The following PBX3 variants were observed in gnomAD, a reference collection of about 807,000 sequenced individuals.
PBX3 encodes pre-B-cell leukemia transcription factor 3.
Under a neutral mutation model 48.5 loss-of-function variants are expected in PBX3, and 14 were observed. The ratio of observed to expected loss-of-function variants is 0.29; its 90% confidence interval spans 0.19 to 0.45. The LOEUF (loss-of-function observed/expected upper bound fraction) is 0.45, where lower values mean the gene tolerates loss of function less well. PBX3 is among the 20% of genes least tolerant of loss of function. The pLI is 1.00. For missense variants in PBX3, 386 were observed against 546.7 expected, an observed-to-expected ratio of 0.71 and a Z score of 2.93; for synonymous variants, 210 against 200.3, an observed-to-expected ratio of 1.05 and a Z score of -0.41.
chr9:125,832,817 G>A (rs899308889), intron 2 of PBX3, among the ~76,000 whole-genome samples: 1 of 152,064 alleles, frequency 6.6e-6, no homozygotes, highest in African/African-American at 2.4e-5. Context: ...GCTTCATATA[G>A]CTGCTGATCA....
Position 125,813,171 on chromosome 9 carries a change from T to C in PBX3, c.274+64548T>C, listed in dbSNP as rs1026931193. On this transcript the variant is annotated intron_variant, in intron 2 of 8. Coordinates refer to ENST00000373489, the MANE Select transcript of PBX3 (RefSeq NM_006195.6). ...TAATAACACTTAGCTTAAAACACAT[T>C]GTACAGCTTTACAGAAATATTTTTT... Among the ~76,000 whole-genome samples, 35 of 151,902 alleles carry C rather than the reference T, an allele frequency of 2.3e-4. 1 individual carries two copies. Among genetic ancestry groups the C allele is most frequent in the African/African-American group, 8.2e-4 (34 of 41,258 alleles).
intron 2 of PBX3, among the ~76,000 whole-genome samples, chr9:125,867,055 ATCT>A (rs1390054948): frequency 6.6e-6 from 1 of 152,108 alleles, no homozygotes; most frequent in African/African-American, 2.4e-5. Flanking sequence ...GTTAGTAGGG[ATCT>A]TCTTATCATA....
chr9:125,885,863 TTATTC>T (rs1330609891), intron 2 of PBX3, among the ~76,000 whole-genome samples: 1 of 152,010 alleles, frequency 6.6e-6, no homozygotes, highest in Non-Finnish European at 1.5e-5. Context: ...TTGTGCTGGT[TTATTC>T]TATATGTTGG....
At chr9:125,900,696 G>A (rs534456274) in intron 2 of PBX3, among the ~76,000 whole-genome samples, 10 of 151,680 alleles carry the variant, frequency 6.6e-5, no homozygotes, top group Admixed American at 1.3e-4. Flanking sequence ...TACACTCATG[G>A]TATTATTTAT....
chr9:125,938,743 G>A (rs1841893359), intron 5 of PBX3, among the ~76,000 whole-genome samples: 1 of 152,202 alleles, frequency 6.6e-6, no homozygotes, highest in Non-Finnish European at 1.5e-5. Flanking sequence ...GATAGGACAA[G>A]TAATTGCAAT....
intron 2 of PBX3, among the ~76,000 whole-genome samples, chr9:125,796,837 C>G (rs1000841656): frequency 7.9e-5 from 12 of 151,990 alleles, no homozygotes; most frequent in African/African-American, 2.9e-4. Context: ...ATGAGAGTGT[C>G]ATATTAACTG....
At chr9:125,879,271 A>G (rs1262378390) in intron 2 of PBX3, among the ~76,000 whole-genome samples, 1 of 151,538 alleles carries the variant, frequency 6.6e-6, no homozygotes, top group Non-Finnish European at 1.5e-5. Flanking sequence ...TAGAGATGGG[A>G]TTTCACCATA....
At chr9:125,965,788 A>T in intron 8 of PBX3, 43 bp from the exon 9 acceptor site, 1 of 1,413,986 alleles carries the variant, frequency 7.1e-7, no homozygotes, top group Non-Finnish European at 1.0e-6. Context: ...GAGTAGAATT[A>T]ATATGTAGAC....
chr9:125,929,878 T>C, intron 4 of PBX3, 33 bp downstream of exon 4: 8 of 1,484,654 alleles, frequency 5.4e-6, no homozygotes, highest in Non-Finnish European at 7.5e-6. Context: ...TGCATGGCTT[T>C]CCCCCGTCTG....
intron 2 of PBX3, 39 bp downstream of exon 2, chr9:125,748,662 G>A (rs751113105): frequency 2.6e-6 from 4 of 1,526,488 alleles, no homozygotes; most frequent in South Asian, 1.1e-5. Context: ...GGAGACCCCC[G>A]AGGTGGGGGT....
chr9:125,910,729 G>C (rs1841184363), intron 2 of PBX3, among the ~76,000 whole-genome samples: 1 of 150,436 alleles, frequency 6.6e-6, no homozygotes, highest in Non-Finnish European at 1.5e-5. Flanking sequence ...AGTGGGATGG[G>C]CTTTGGGGCC....
At chr9:125,804,011 G>A (rs1489916523) in intron 2 of PBX3, among the ~76,000 whole-genome samples, 6 of 152,166 alleles carry the variant, frequency 3.9e-5, no homozygotes, top group Admixed American at 3.9e-4. Flanking sequence ...TCTTTATCTA[G>A]TCTGAGTGTT....
chr9:125,851,538 C>G lies in PBX3; in HGVS notation c.275-64148C>G, dbSNP rs141239041. ...TTTTTAACACGTTTGTTGATAAACA[C>G]TATGTTGGCCTAAAAAATACTTCAC... On this transcript the variant is annotated intron_variant, in intron 2 of 8. Transcript: ENST00000373489. 7.6e-3 allele frequency among the ~76,000 whole-genome samples: 1,158 copies of G among 152,150 alleles called. 10 individuals are homozygous for G. The highest frequency in any genetic ancestry group is 0.013 in the Non-Finnish European group (882 of 67,956).
intron 2 of PBX3, among the ~76,000 whole-genome samples, chr9:125,767,781 T>C (rs908555777): frequency 6.6e-6 from 1 of 152,314 alleles, no homozygotes; most frequent in Non-Finnish European, 1.5e-5. Context: ...AGAAGCCTAG[T>C]GGATCTGCTT....
At chr9:125,751,055 G>C (rs1472079341) in intron 2 of PBX3, among the ~76,000 whole-genome samples, 1 of 152,056 alleles carries the variant, frequency 6.6e-6, no homozygotes, top group African/African-American at 2.4e-5. Flanking sequence ...TTAGAAACAT[G>C]AACTTATAAA....
At chr9:125,865,064 A>G (rs1480472289) in intron 2 of PBX3, among the ~76,000 whole-genome samples, 2 of 152,240 alleles carry the variant, frequency 1.3e-5, no homozygotes, top group South Asian at 2.1e-4. Flanking sequence ...ATTACTTCCT[A>G]TGTATTCATC....
Position 125,922,196 on chromosome 9 carries a change from T to G in PBX3, c.516+6269T>G, listed in dbSNP as rs142323020. On this transcript the variant is annotated intron_variant, in intron 3 of 8. Coordinates refer to ENST00000373489, the MANE Select transcript of PBX3 (RefSeq NM_006195.6). ...AATATCATTAAAAAGTTATTGAGAA[T>G]CCAAATATTTTAAATCCTCAATTAT... 8.2e-3 allele frequency among the ~76,000 whole-genome samples: 1,243 copies of G among 152,250 alleles called. 7 individuals carry two copies. The highest frequency in any genetic ancestry group is 0.013 in the Non-Finnish European group (850 of 67,998).
At chr9:125,868,101 C>G (rs1259586662) in intron 2 of PBX3, among the ~76,000 whole-genome samples, 2 of 151,842 alleles carry the variant, frequency 1.3e-5, no homozygotes, top group African/African-American at 4.8e-5. Flanking sequence ...TCTCAAACTC[C>G]TTAACTCAAG....
At chr9:125,780,311 C>T (rs1481176763) in intron 2 of PBX3, among the ~76,000 whole-genome samples, 9 of 125,216 alleles carry the variant, frequency 7.2e-5, no homozygotes, top group African/African-American at 9.2e-5. Context: ...CCAGTAGGGG[C>T]GGCTGGGCAG....
Sources: gnomAD v4.1 joint callset for allele counts (sites outside exome capture counted in the v4.1 genomes callset) on GRCh38, gnomAD v4.1.1 for gene constraint, MANE v1.5 for transcripts, NCBI Gene and HGNC (gene_info 2026-07-23, HGNC 2026-07-21) for gene names.